Variants in RBL1 observed in about 807,000 individuals in gnomAD.
RBL1 encodes retinoblastoma-like protein 1.
RBL1 carries 82 observed loss-of-function variants against 123.0 expected under a neutral mutation model. The ratio of observed to expected loss-of-function variants is 0.67; its 90% CI spans 0.56 to 0.80. The LOEUF (loss-of-function observed/expected upper bound fraction) is 0.80, where lower values mean the gene tolerates loss of function less well. Among genes scored for constraint, RBL1 ranks in the 30% least tolerant of loss-of-function variants. RBL1 has a pLI of 0.00. For synonymous variants in RBL1, 405 were observed against 441.3 expected, an observed-to-expected ratio of 0.92 and a Z score of 1.03; for missense variants, 1,171 against 1,299.6, an observed-to-expected ratio of 0.90 and a Z score of 1.52.
intron 9 of RBL1, among the ~76,000 whole-genome samples, chr20:37,057,004 TCTACCTACCTACCTAC>T (rs58869678): frequency 2.2e-3 from 330 of 147,618 alleles, no homozygotes; most frequent in African/African-American, 6.4e-3. Flanking sequence ...TATCTATCTA[TCTACCTACCTACCTAC>T]CTACCTACCT....
chr20:37,021,985 T>C (rs2064348262), intron 17 of RBL1: 2 of 152,242 alleles, frequency 1.3e-5, no homozygotes, highest in Admixed American at 6.5e-5. Flanking sequence ...TATGGTGCAT[T>C]TTCTCGTCAA....
rs755697326 is a variant in RBL1, at chr20:37,095,754, CCCA to C, written c.156+16_156+18del. 1.3e-6 allele frequency: 2 copies of C among 1,570,468 alleles called. No individual in the cohort carries two copies. The highest frequency in any genetic ancestry group is 1.7e-6 in the Non-Finnish European group (2 of 1,152,656). On this transcript the variant is annotated intron_variant, in intron 1 of 21. Transcript: ENST00000373664. The stretch of plus-strand genomic sequence containing the variant: ...CCTGGCGAGGGTAGGGTCCGGCCGC[CCCA>C]CCTGCTGCCGCTCACCTCTAGGCTG...
At chr20:37,089,538 GGT>G (rs2065612991) in intron 1 of RBL1, among the ~76,000 whole-genome samples, 1 of 151,940 alleles carries the variant, frequency 6.6e-6, no homozygotes, top group East Asian at 1.9e-4. Flanking sequence ...CAGCTACTTG[GGT>G]GGCTGAGGCA....
chr20:37,004,518 G>C (rs2146199953), intron 20 of RBL1, among the ~76,000 whole-genome samples: 1 of 150,074 alleles, frequency 6.7e-6, no homozygotes, highest in African/African-American at 2.4e-5. Context: ...TTTGAGACCA[G>C]CCTGGCCAAC....
At chr20:37,012,932 C>CGCCA (rs2064186036) in intron 19 of RBL1, among the ~76,000 whole-genome samples, 1 of 142,368 alleles carries the variant, frequency 7.0e-6, no homozygotes, top group Non-Finnish European at 1.5e-5. Flanking sequence ...TCAGCCCCCC[C>CGCCA]GCCAGCCAGC....
chr20:37,085,366 C>T (rs372088680), intron 2 of RBL1, among the ~76,000 whole-genome samples: 2 of 151,836 alleles, frequency 1.3e-5, no homozygotes, highest in East Asian at 3.9e-4. Context: ...GAACTCCTGA[C>T]CTCAGGTGAT....
chr20:36,997,279 A>AT lies in RBL1; in HGVS notation c.*1479dup, dbSNP rs2063898459. On this transcript the variant is annotated 3_prime_UTR_variant, in exon 22 of 22. Transcript: ENST00000373664. Reference sequence around the variant, plus strand: ...AAGCATCCCTAACACTGAAAAAAGCATCCCTAGTACTGAAAAACATCTTCA... The same window carrying AT: ...AAGCATCCCTAACACTGAAAAAAGCATTCCCTAGTACTGAAAAACATCTTCA... 1 of 152,182 alleles carries AT rather than the reference A, an allele frequency of 6.6e-6. No homozygotes were observed. The highest frequency in any genetic ancestry group is 6.6e-5 in the Admixed American group (1 of 15,260). The allele number at this position is 152,182 out of a possible 1,614,324, so 9.4% of individuals were successfully genotyped here.
chr20:37,058,148 A>AAAAAAAAAAC (rs2065043107), intron 9 of RBL1, among the ~76,000 whole-genome samples: 2 of 150,408 alleles, frequency 1.3e-5, no homozygotes, highest in Non-Finnish European at 3.0e-5. Flanking sequence ...AACAAAAAAA[A>AAAAAAAAAAC]AAAAGCCTAT....
chr20:37,013,584 A>AT (rs1312773478), intron 19 of RBL1, among the ~76,000 whole-genome samples: 126 of 136,920 alleles, frequency 9.2e-4, no homozygotes, highest in African/African-American at 3.0e-3. Flanking sequence ...AGAATGATCA[A>AT]TAAAAAAAAA....
chr20:37,051,136 C>T (rs2064904616), intron 11 of RBL1, among the ~76,000 whole-genome samples: 1 of 152,104 alleles, frequency 6.6e-6, no homozygotes, highest in African/African-American at 2.4e-5. Flanking sequence ...CAACCTCAAA[C>T]TCCTGGGCTC....
At position 37,068,121 on chromosome 20, in the gene RBL1, C is replaced by T. The variant is rs753987862; in HGVS notation, c.356G>A (p.Arg119His). The change falls in exon 3 of 22, where the codon CGT (arginine) becomes CAT (histidine). Residue 119 changes from arginine to histidine, a missense_variant. Transcript: ENST00000373664. ...TCTCTCTAGCCTTTCTATACGTTCA[C>T]GAAATTCTTGTGGTAGATTTGACAT... ...MDMSNLPQEFRERIERLERNF... is the reference protein window; with the variant it reads ...MDMSNLPQEFHERIERLERNF... 89 of 1,611,634 alleles carry T rather than the reference C, an allele frequency of 5.5e-5. No individual in the cohort carries two copies. Among genetic ancestry groups the T allele is most frequent in the South Asian group, 6.6e-5 (6 of 90,708 alleles).
At position 37,038,696 on chromosome 20, in the gene RBL1, G is replaced by C. The variant is rs73620256; in HGVS notation, c.1903+1457C>G. ...TGGCTCACTGCAACCTCTGCCTCCC[G>C]GGTTCAAGTGATTCTCCTGCCTCAA... On this transcript the variant is annotated intron_variant, in intron 14 of 21. Coordinates refer to ENST00000373664, the MANE Select transcript of RBL1 (RefSeq NM_002895.5). Among the ~76,000 whole-genome samples, 48 of 143,308 alleles carry C rather than the reference G, an allele frequency of 3.3e-4. 2 individuals are homozygous for C. The allele number at this position is 143,308 out of a possible 152,430, so 94.0% of individuals were successfully genotyped here. A position where few individuals can be genotyped will look rare whatever the true frequency, so the allele number is the denominator to read the frequency against.
chr20:37,063,547 T>C (rs1369943974), intron 7 of RBL1, among the ~76,000 whole-genome samples: 1 of 152,182 alleles, frequency 6.6e-6, no homozygotes, highest in Non-Finnish European at 1.5e-5. Context: ...AATCTCGCTC[T>C]GTTGCCTAGG....
chr20:37,027,244 G>A (rs2146238590), intron 16 of RBL1, among the ~76,000 whole-genome samples: 1 of 152,200 alleles, frequency 6.6e-6, no homozygotes, highest in East Asian at 1.9e-4. Flanking sequence ...CTACTCAGGA[G>A]GCAGGAGGAT....
intron 15 of RBL1, among the ~76,000 whole-genome samples, chr20:37,033,185 ATT>A (rs1157688842): frequency 2.8e-4 from 35 of 123,200 alleles, no homozygotes; most frequent in Admixed American, 2.5e-4. Context: ...TGCCTGGTAA[ATT>A]TTTTTTTTTT....
At chr20:37,013,692 G>C (rs2064203138) in intron 19 of RBL1, among the ~76,000 whole-genome samples, 1 of 152,104 alleles carries the variant, frequency 6.6e-6, no homozygotes, top group Non-Finnish European at 1.5e-5. Flanking sequence ...ATAATGTTAA[G>C]GCTAAAAGCT....
chr20:37,034,376 A>AT (rs113851982), intron 15 of RBL1, among the ~76,000 whole-genome samples: 1,820 of 148,924 alleles, frequency 0.012, 33 homozygotes, highest in African/African-American at 0.038. Flanking sequence ...AAAAAAAAGC[A>AT]TTTTTTTTTT....
At chr20:37,050,514 C>CAG (rs941492522) in intron 11 of RBL1, among the ~76,000 whole-genome samples, 14 of 118,184 alleles carry the variant, frequency 1.2e-4, no homozygotes, top group Admixed American at 4.8e-4. Flanking sequence ...CACTGCACTC[C>CAG]AGTCTGGGTG....
chr20:37,018,161 T>G, intron 19 of RBL1, 118 bp downstream of exon 19: 1 of 1,154,854 alleles, frequency 8.7e-7, no homozygotes, highest in Non-Finnish European at 1.2e-6. Context: ...TCAAAACATA[T>G]GCATTGTCCA....
Sources: allele counts gnomAD v4.1 joint callset (sites outside exome capture counted in the v4.1 genomes callset), GRCh38; gene constraint gnomAD v4.1.1; transcripts MANE v1.5; gene names NCBI Gene and HGNC (gene_info 2026-07-23, HGNC 2026-07-21).